SCLT1: variants seen among roughly 807,000 people sequenced by gnomAD.
The protein encoded by SCLT1 is sodium channel-associated protein 1.
Under a neutral mutation model 112.8 loss-of-function variants are expected in SCLT1, and 78 were observed. The observed-to-expected ratio is 0.69, with a 90% confidence interval of 0.58 to 0.83. The LOEUF is 0.83. SCLT1 is among the 40% of genes least tolerant of loss of function. SCLT1 has a pLI of 0.00. For missense variants in SCLT1, 747 were observed against 770.4 expected (o/e 0.97, Z 0.36); for synonymous variants, 257 against 254.7 (o/e 1.01, Z -0.09).
intron 2 of SCLT1, among the ~76,000 whole-genome samples, chr4:129,046,647 G>C (rs1748210824): frequency 6.6e-6 from 1 of 152,064 alleles, no homozygotes; most frequent in Non-Finnish European, 1.5e-5. Context: ...AAACATTCTT[G>C]AAAAAGTCTT....
intron 18 of SCLT1, among the ~76,000 whole-genome samples, chr4:128,921,001 A>C (rs1382719369): frequency 2.0e-5 from 3 of 152,186 alleles, no homozygotes; most frequent in Non-Finnish European, 4.4e-5. Flanking sequence ...TTGCATTTCT[A>C]TACATCAGTG....
chr4:128,901,530 G>T (rs1579325074), intron 18 of SCLT1, among the ~76,000 whole-genome samples: 1 of 13,530 alleles, frequency 7.4e-5, no homozygotes, highest in African/African-American at 1.4e-3. Context: ...GTGGGGTGGT[G>T]GGGGGGGGGA....
At chr4:129,008,814 C>T (rs1325122198) in intron 5 of SCLT1, among the ~76,000 whole-genome samples, 19 of 152,134 alleles carry the variant, frequency 1.2e-4, no homozygotes, top group Admixed American at 1.2e-3. Flanking sequence ...TCCCTCCTCC[C>T]AGCCTCCACC....
At chr4:129,021,789 G>A (rs1396704616) in intron 5 of SCLT1, among the ~76,000 whole-genome samples, 1 of 152,216 alleles carries the variant, frequency 6.6e-6, no homozygotes, top group Non-Finnish European at 1.5e-5. Flanking sequence ...CCTGACAAGA[G>A]GGATTCTCCC....
intron 19 of SCLT1, 49 bp downstream of exon 19, chr4:128,891,010 T>G (rs770419123): frequency 3.9e-6 from 5 of 1,280,364 alleles, no homozygotes; most frequent in Non-Finnish European, 4.5e-6. Flanking sequence ...CTATAACATG[T>G]GTATCATGCT....
chr4:128,926,447 T>A (rs1424430414), intron 18 of SCLT1, among the ~76,000 whole-genome samples: 1 of 152,126 alleles, frequency 6.6e-6, no homozygotes, highest in African/African-American at 2.4e-5. Flanking sequence ...ACCTGTCAAC[T>A]TGGAATTCCA....
intron 2 of SCLT1, among the ~76,000 whole-genome samples, chr4:129,081,953 A>T (rs1714111373): frequency 2.0e-5 from 3 of 152,188 alleles, no homozygotes; most frequent in Non-Finnish European, 1.5e-5. Flanking sequence ...AGATATTTTT[A>T]AAAAACCATA....
At chr4:129,035,139 T>A (rs1747071048) in intron 5 of SCLT1, among the ~76,000 whole-genome samples, 1 of 152,146 alleles carries the variant, frequency 6.6e-6, no homozygotes, top group African/African-American at 2.4e-5. Context: ...CAGATTTGCT[T>A]CAGTAGCTCA....
At chr4:128,877,789 A>G (rs1269512701) in intron 3 of SCLT1, among the ~76,000 whole-genome samples, 1 of 152,206 alleles carries the variant, frequency 6.6e-6, no homozygotes. Context: ...AACTTGGTTA[A>G]AACATGTTAA....
At chr4:128,995,459 A>G (rs1472419479) in intron 8 of SCLT1, among the ~76,000 whole-genome samples, 1 of 152,042 alleles carries the variant, frequency 6.6e-6, no homozygotes, top group Non-Finnish European at 1.5e-5. Flanking sequence ...CTGGAGATTT[A>G]TCTTATTTCT....
intron 4 of SCLT1, chr4:128,874,625 G>A (rs1732437845): frequency 6.6e-6 from 1 of 152,522 alleles, no homozygotes; most frequent in Admixed American, 6.6e-5. Flanking sequence ...TGATAGCTTT[G>A]TGAGTTAGTT....
intron 5 of SCLT1, among the ~76,000 whole-genome samples, chr4:129,014,000 C>G (rs1289365657): frequency 1.3e-5 from 2 of 152,130 alleles, no homozygotes; most frequent in African/African-American, 4.8e-5. Context: ...AGGTTTTGTT[C>G]ACTCCTTTTC....
At chr4:128,964,639 C>A (rs34483420) in intron 11 of SCLT1, among the ~76,000 whole-genome samples, 3,818 of 152,254 alleles carry the variant, frequency 0.025, 75 homozygotes, top group Middle Eastern at 0.051. Context: ...AAATAACATT[C>A]CTCTCCTTTC....
At chr4:128,942,862 G>A (rs1392988178) in intron 17 of SCLT1, 134 bp downstream of exon 17, 1 of 578,976 alleles carries the variant, frequency 1.7e-6, no homozygotes, top group Non-Finnish European at 3.0e-6. Context: ...TTAACACTCT[G>A]AATTATGATT....
chr4:128,894,353 TTGAG>T (rs1345170789), intron 18 of SCLT1, among the ~76,000 whole-genome samples: 2 of 144,104 alleles, frequency 1.4e-5, no homozygotes, highest in East Asian at 2.1e-4. Context: ...TGAAAGTTCA[TTGAG>T]TAAGTAACAC....
intron 15 of SCLT1, among the ~76,000 whole-genome samples, chr4:128,947,998 G>A (rs777580611): frequency 3.9e-5 from 6 of 152,064 alleles, no homozygotes; most frequent in Non-Finnish European, 7.4e-5. Context: ...ATATCTTTAA[G>A]TACAAAGTTC....
At chr4:129,037,486 G>A (rs1304378722) in intron 5 of SCLT1, 1 of 152,106 alleles carries the variant, frequency 6.6e-6, no homozygotes, top group Non-Finnish European at 1.5e-5. Context: ...GTCTCTTGTA[G>A]TCAATATCCT....
chr4:129,062,739 T>A (rs1258059788), intron 2 of SCLT1, among the ~76,000 whole-genome samples: 1 of 152,200 alleles, frequency 6.6e-6, no homozygotes, highest in Admixed American at 6.5e-5. Context: ...CTGTAAGGTA[T>A]CTGTTGAGAA....
At chr4:128,992,566 G>A (rs2126069913) in intron 8 of SCLT1, among the ~76,000 whole-genome samples, 1 of 152,052 alleles carries the variant, frequency 6.6e-6, no homozygotes, top group Non-Finnish European at 1.5e-5. Context: ...AGCCTGACAT[G>A]TCTGAAGGGA....
Sources: allele counts gnomAD v4.1 joint callset (sites outside exome capture counted in the v4.1 genomes callset), GRCh38; gene constraint gnomAD v4.1.1; transcripts MANE v1.5; gene names NCBI Gene and HGNC (gene_info 2026-07-23, HGNC 2026-07-21).